TTN: variants seen among roughly 807,000 people sequenced by gnomAD.
TTN encodes the protein titin, also known as connectin.
Under a neutral mutation model 3,223.0 loss-of-function variants are expected in TTN, and 1,525 were observed. That is an observed-to-expected ratio of 0.47 (90% confidence interval 0.45 to 0.49). The LOEUF (loss-of-function observed/expected upper bound fraction) is 0.49, where lower values mean the gene tolerates loss of function less well. Ranked by LOEUF, TTN falls within the 20% of genes least tolerant of loss-of-function variation. TTN has a pLI of 0.00. For synonymous variants in TTN, 14,094 were observed against 15,161.0 expected, an observed-to-expected ratio of 0.93 and a Z score of 5.17; for missense variants, 40,786 against 43,424.0, an observed-to-expected ratio of 0.94 and a Z score of 5.40.
chr2:178,745,106 C>T, intron 47 of TTN: 1 of 988,292 alleles, frequency 1.0e-6, no homozygotes, highest in Non-Finnish European at 1.2e-6. Context: ...AGTAAATAAA[C>T]ATGAGTTTGG....
At position 178,720,677 on chromosome 2, in the gene TTN, G is replaced by A; in HGVS notation, c.23099-14C>T. 1 of 1,556,356 alleles carries A rather than the reference G, an allele frequency of 6.4e-7. No homozygotes were observed. The highest frequency in any genetic ancestry group is 8.6e-7 in the Non-Finnish European group (1 of 1,158,758). On this transcript the variant is annotated splice_polypyrimidine_tract_variant and intron_variant, in intron 79 of 362. Transcript: ENST00000589042. ...AAACAGGAGGTGCTACCAGAAAAAAGGAGATAAACAATGAGAACACTTGCT... is the reference window on the plus strand; with the variant it reads ...AAACAGGAGGTGCTACCAGAAAAAAAGAGATAAACAATGAGAACACTTGCT...
At chr2:178,675,814 A>C (rs2154267317) in intron 148 of TTN, 60 bp from the exon 149 acceptor site, 1 of 1,525,716 alleles carries the variant, frequency 6.6e-7, no homozygotes, top group Non-Finnish European at 8.9e-7. Flanking sequence ...ACAAGTAGAC[A>C]CAGCAGTAAT....
In TTN at chr2:178,630,820, G is replaced by C; in HGVS notation, c.44138C>G (p.Ala14713Gly). The change falls in exon 238 of 363, where the codon GCC becomes GGC. Residue 14713 changes from alanine (A) to glycine (G), a missense_variant. Physicochemically the swap from Ala to Gly is moderately conservative, Grantham distance 60. Coordinates refer to ENST00000589042, the MANE Select transcript of TTN (RefSeq NM_001267550.2). ...IHANWKLKGE[A>G]LLQTPDCEIK... ...TAGCCTTACAGGTGTTTGGAGTAGG[G>C]CCTCTCCCTTGAGTTTCCAGTTGGC... The C allele has an allele frequency of 6.2e-7, 1 of 1,613,026 alleles. No homozygotes were observed. Among genetic ancestry groups the C allele is most frequent in the South Asian group, 1.1e-5 (1 of 90,984 alleles).
intron 71 of TTN, 73 bp downstream of exon 71, chr2:178,725,295 G>T (rs747761498): frequency 6.5e-6 from 9 of 1,379,548 alleles, no homozygotes; most frequent in Admixed American, 6.5e-5. Context: ...CTCAGAAAAA[G>T]AATCTGCCAG....
At position 178,723,850 on chromosome 2, in the gene TTN, A is replaced by G. The variant is rs745899970; in HGVS notation, c.21403+6T>C. On this transcript the variant is annotated splice_donor_region_variant and intron_variant, in intron 73 of 362. Coordinates refer to ENST00000589042, the MANE Select transcript of TTN (RefSeq NM_001267550.2). ...AAATTCCTTACAAGTTTGACTGTCTACTGACCTTGTACAGTTAGCACTGCA... is the reference window on the plus strand; with the variant it reads ...AAATTCCTTACAAGTTTGACTGTCTGCTGACCTTGTACAGTTAGCACTGCA... The G allele has an allele frequency of 6.3e-7, 1 of 1,597,600 alleles. No individual in the cohort carries two copies. The highest frequency in any genetic ancestry group is 1.1e-5 in the South Asian group (1 of 89,134).
intron 47 of TTN, chr2:178,749,015 T>G: frequency 6.2e-7 from 1 of 1,612,504 alleles, no homozygotes; most frequent in Non-Finnish European, 8.5e-7. Flanking sequence ...TTTTTCAAAT[T>G]CGATAATTCT....
chr2:178,688,602 A>G (rs1405831132), intron 126 of TTN, 75 bp downstream of exon 126: 12 of 1,019,192 alleles, frequency 1.2e-5, no homozygotes, highest in Middle Eastern at 2.0e-4. Flanking sequence ...AAAGTAAACA[A>G]TCACATGTGG....
chr2:178,707,550 T>C lies in TTN; in HGVS notation c.29017A>G (p.Thr9673Ala), dbSNP rs759713900. The C allele has an allele frequency of 6.2e-7, 1 of 1,613,346 alleles. No homozygotes were observed. Residue 9673 changes from threonine to alanine, a missense_variant, in exon 100 of 363, where the codon ACC becomes GCC. Thr to Ala is a moderately conservative substitution (Grantham distance 58, BLOSUM62 0). Transcript: ENST00000589042. ...KASNVAGSDT[T>A]KSKVTIKDKP... ...CCTTTAATGGTCACTTTTGATTTGG[T>C]AGTGTCACTTCCAGCCACATTTGAA... is the stretch of plus-strand genomic sequence containing the variant.
Position 178,710,892 on chromosome 2 carries a change from C to A in TTN, c.28205G>T (p.Arg9402Leu). ...EGKNPPFFDI[R>L]LAPVDAVVGE... ...CACCACAGCATCCACAGGGGCAAGA[C>A]GGATGTCAAAGAAGGGTGGGTTCTT... Residue 9402 changes from arginine to leucine, a missense_variant, in exon 98 of 363, where the codon CGT becomes CTT. Coordinates refer to ENST00000589042, the MANE Select transcript of TTN (RefSeq NM_001267550.2). The A allele has an allele frequency of 3.1e-6, 5 of 1,613,416 alleles. No homozygotes were observed. Among genetic ancestry groups the A allele is most frequent in the Non-Finnish European group, 4.2e-6 (5 of 1,179,456 alleles).
Position 178,651,755 on chromosome 2 carries a change from G to T in TTN, c.39380-6C>A. 1.2e-6 allele frequency: 2 copies of T among 1,612,456 alleles called. No individual in the cohort carries two copies. The highest frequency in any genetic ancestry group is 1.7e-6 in the Non-Finnish European group (2 of 1,179,344). On this transcript the variant is annotated splice_polypyrimidine_tract_variant and splice_region_variant and intron_variant, in intron 205 of 362. Transcript: ENST00000589042. Reference sequence around the variant, plus strand: ...TTTCTTAGGTGGTACGGTCACTAAAGAATTAGAAGGTATGTTTTAGAAAGA... The same window carrying T: ...TTTCTTAGGTGGTACGGTCACTAAATAATTAGAAGGTATGTTTTAGAAAGA...
chr2:178,573,333 G>A lies in TTN; in HGVS notation c.72799C>T (p.Gln24267Ter). 1 of 1,550,144 alleles carries A rather than the reference G, an allele frequency of 6.5e-7. No individual in the cohort carries two copies. Among genetic ancestry groups the A allele is most frequent in the Non-Finnish European group, 8.7e-7 (1 of 1,149,192 alleles). Residue 24267 changes from glutamine (Q) to a stop codon, truncating the protein, a stop_gained, in exon 326 of 363, where the codon CAA becomes TAA. Transcript: ENST00000589042. LOFTEE classifies it high-confidence loss of function. ...YIVERRDKAG[Q>*]RWIKCNKKTL... ...TTTTTGTTGCATTTAATCCAGCGTT[G>A]GCCAGCTTTATCACGCCGTTCCACA... is the stretch of plus-strand genomic sequence containing the variant.
In TTN at chr2:178,764,548, A is replaced by C. The variant is rs2090015166; in HGVS notation, c.9967T>G (p.Ser3323Ala). ...AKNDYGVATT[S>A]ASLSVEVPEV... ...CTACCTTCCACTGAGAGTGAAGCTG[A>C]TGTTGTGGCAACACCATAGTCATTC... The change falls in exon 42 of 363, where the codon TCA (serine) becomes GCA (alanine). Residue 3323 changes from serine (S) to alanine (A), a missense_variant. Transcript: ENST00000589042. The C allele has an allele frequency of 1.2e-6, 2 of 1,614,110 alleles. No homozygotes were observed. Among genetic ancestry groups the C allele is most frequent in the Non-Finnish European group, 1.7e-6 (2 of 1,179,998 alleles).
rs868264146 is a variant in TTN, at chr2:178,799,703, G to C, written c.698C>G (p.Ser233Ter). ...TATGACCATCTCAACTGTTGCAATT[G>C]ATCTGGCATCAAAGTGGGCTTCAAT... Reference protein sequence around the residue: ...KKIEAHFDARSIATVEMVIDG... With the variant: ...KKIEAHFDAR Residue 233 changes from serine (S) to a stop codon, truncating the protein, a stop_gained, in exon 6 of 363, where the codon TCA becomes TGA. Transcript: ENST00000589042. LOFTEE classifies it high-confidence loss of function. The C allele has an allele frequency of 6.2e-7, 1 of 1,614,158 alleles. No individual in the cohort carries two copies. The highest frequency in any genetic ancestry group is 8.5e-7 in the Non-Finnish European group (1 of 1,180,020).
At chr2:178,613,596 TA>T (rs1416889329) in intron 263 of TTN, among the ~76,000 whole-genome samples, 154 bp downstream of exon 263, 1 of 151,982 alleles carries the variant, frequency 6.6e-6, no homozygotes, top group African/African-American at 2.4e-5. Flanking sequence ...GGAATTTATA[TA>T]ATTTTTCAAA....
Position 178,650,214 on chromosome 2 carries a change from T to TTTTCCTCTTCAGGAGCAA in TTN, c.39749_39766dup (p.Ile13250_Glu13255dup), listed in dbSNP as rs139512154. 2 of 1,597,566 alleles carry TTTTCCTCTTCAGGAGCAA rather than the reference T, an allele frequency of 1.3e-6. No individual in the cohort carries two copies. The highest frequency in any genetic ancestry group is 1.7e-5 in the Admixed American group (1 of 58,306). On this transcript the variant is annotated inframe_insertion, in exon 210 of 363. Coordinates refer to ENST00000589042, the MANE Select transcript of TTN (RefSeq NM_001267550.2). ...CTCCTCTTCTGCAACAGGAACTGGC[T>TTTTCCTCTTCAGGAGCAA]TTTCCTCTTCAGGAGCAATTTCCTC...
At chr2:178,550,643 T>C in intron 336 of TTN, 1 of 418,874 alleles carries the variant, frequency 2.4e-6, no homozygotes, top group Non-Finnish European at 4.3e-6. Context: ...GTATGTTGTA[T>C]TTTAATAACT....
chr2:178,707,844 C>T (rs1560540430), intron 99 of TTN, 31 bp from the exon 100 acceptor site: 3 of 1,535,708 alleles, frequency 2.0e-6, no homozygotes, highest in Admixed American at 4.2e-5. Context: ...TCATGAGGAA[C>T]ATAAAGGCAA....
In TTN at chr2:178,729,718, C is replaced by T; in HGVS notation, c.18535G>A (p.Glu6179Lys). The T allele has an allele frequency of 6.2e-7, 1 of 1,613,778 alleles. No homozygotes were observed. The highest frequency in any genetic ancestry group is 8.5e-7 in the Non-Finnish European group (1 of 1,179,732). ...RVENSGTYVC[E>K]ARNDAGTASC... ...GCCGTGCCTGCGTCATTTCGAGCTT[C>T]ACACACATAAGTCCCACTATTTTCT... Residue 6179 changes from glutamate to lysine, a missense_variant, in exon 63 of 363, where the codon GAA becomes AAA. Transcript: ENST00000589042.
At position 178,790,688 on chromosome 2, in the gene TTN, C is replaced by T. The variant is rs751251007; in HGVS notation, c.1800+20G>A. 1 of 1,614,004 alleles carries T rather than the reference C, an allele frequency of 6.2e-7. No homozygotes were observed. The highest frequency in any genetic ancestry group is 2.2e-5 in the East Asian group (1 of 44,872). ...TGAAATGGTGCAAGAGTGACTTTCA[C>T]ATTGGCAGGAAGTCATCACCTTTTC... On this transcript the variant is annotated intron_variant, in intron 11 of 362. Coordinates refer to ENST00000589042, the MANE Select transcript of TTN (RefSeq NM_001267550.2).
Sources: allele counts gnomAD v4.1 joint callset (sites outside exome capture counted in the v4.1 genomes callset), GRCh38; gene constraint gnomAD v4.1.1; transcripts MANE v1.5; gene names NCBI Gene and HGNC (gene_info 2026-07-23, HGNC 2026-07-21).